ESRRG: variants seen among roughly 807,000 people sequenced by gnomAD.
The protein encoded by ESRRG is estrogen-related receptor gamma.
A neutral mutation model predicts 44.0 loss-of-function variants in ESRRG; 13 were observed. The ratio of observed to expected loss-of-function variants is 0.30; its 90% confidence interval spans 0.19 to 0.47. ESRRG has a LOEUF of 0.47. Ranked by LOEUF, ESRRG falls within the 20% of genes least tolerant of loss-of-function variation. ESRRG has a pLI of 1.00. For missense variants in ESRRG, 395 were observed against 580.6 expected (o/e 0.68, Z 3.29); for synonymous variants, 215 against 214.6 (o/e 1.00, Z -0.02).
chr1:216,862,098 C>T (rs954909596), intron 2 of ESRRG: 1 of 152,174 alleles, frequency 6.6e-6, no homozygotes, highest in Non-Finnish European at 1.5e-5. Context: ...TAAAGTGATA[C>T]TACTTTGGAA....
intron 3 of ESRRG, among the ~76,000 whole-genome samples, chr1:216,572,457 C>T (rs1375875624): frequency 2.0e-5 from 3 of 151,952 alleles, no homozygotes; most frequent in Non-Finnish European, 4.4e-5. Context: ...AATACATGTA[C>T]TTAAATTCAA....
chr1:216,597,984 T>C (rs1278373515), intron 3 of ESRRG, among the ~76,000 whole-genome samples: 2 of 152,208 alleles, frequency 1.3e-5, no homozygotes, highest in African/African-American at 4.8e-5. Context: ...TCAACCCATA[T>C]AGGCTTTTCC....
intron 2 of ESRRG, among the ~76,000 whole-genome samples, chr1:216,747,497 C>A (rs1045123488): frequency 2.0e-5 from 3 of 152,120 alleles, no homozygotes; most frequent in African/African-American, 7.2e-5. Context: ...TACCCCTATG[C>A]CCAGCAACAC....
At chr1:216,744,484 GCACACACACA>G (rs57621941) in intron 2 of ESRRG, among the ~76,000 whole-genome samples, 4 of 149,500 alleles carry the variant, frequency 2.7e-5, no homozygotes, top group Non-Finnish European at 4.5e-5. Flanking sequence ...ACACAGACAT[GCACACACACA>G]CACACACACA....
At chr1:216,739,860 G>A (rs6682879) in intron 2 of ESRRG, among the ~76,000 whole-genome samples, 2,227 of 152,102 alleles carry the variant, frequency 0.015, 52 homozygotes, top group African/African-American at 0.047. Context: ...TCCCACCTCC[G>A]ACCCCTCAGG....
chr1:216,968,320 A>G (rs570780347), intron 1 of ESRRG, among the ~76,000 whole-genome samples: 1 of 152,264 alleles, frequency 6.6e-6, no homozygotes, highest in Non-Finnish European at 1.5e-5. Flanking sequence ...AAAGTCATTT[A>G]CATTTTCTCA....
At chr1:216,604,456 C>T (rs1326871278) in intron 3 of ESRRG, among the ~76,000 whole-genome samples, 1 of 152,096 alleles carries the variant, frequency 6.6e-6, no homozygotes, top group East Asian at 1.9e-4. Context: ...AATAGAGTGG[C>T]ACTGTCAGGA....
At chr1:216,944,872 G>A (rs1017333465) in intron 1 of ESRRG, among the ~76,000 whole-genome samples, 2 of 152,070 alleles carry the variant, frequency 1.3e-5, no homozygotes, top group Admixed American at 6.6e-5. Flanking sequence ...CTACAGGAAC[G>A]GCTGGGCAAG....
intron 1 of ESRRG, among the ~76,000 whole-genome samples, chr1:217,084,786 A>G (rs1481890634): frequency 6.6e-6 from 1 of 151,970 alleles, no homozygotes; most frequent in African/African-American, 2.4e-5. Context: ...AATATCTTTG[A>G]CTCCCCAGTA....
intron 3 of ESRRG, among the ~76,000 whole-genome samples, chr1:216,594,939 G>A (rs2058217313): frequency 6.6e-6 from 1 of 152,160 alleles, no homozygotes. Context: ...TTGAGGCCTG[G>A]AGTATTTCTA....
chr1:217,051,785 C>T (rs983480267), intron 1 of ESRRG, among the ~76,000 whole-genome samples: 3 of 152,106 alleles, frequency 2.0e-5, no homozygotes, highest in African/African-American at 7.2e-5. Flanking sequence ...TTTTTAAAGA[C>T]AGGGTCTCAC....
chr1:217,018,346 G>A (rs531830654), intron 1 of ESRRG, among the ~76,000 whole-genome samples: 19 of 152,166 alleles, frequency 1.2e-4, no homozygotes, highest in African/African-American at 3.6e-4. Context: ...GACTGGTCCC[G>A]TTTCCCTCCA....
At chr1:217,082,914 C>T (rs1184963611) in intron 1 of ESRRG, among the ~76,000 whole-genome samples, 2 of 152,162 alleles carry the variant, frequency 1.3e-5, no homozygotes, top group African/African-American at 4.8e-5. Context: ...TCAAAGAGTC[C>T]CGAAAGTTTC....
intron 1 of ESRRG, among the ~76,000 whole-genome samples, chr1:216,967,434 T>C (rs2070684708): frequency 6.6e-6 from 1 of 152,208 alleles, no homozygotes; most frequent in Non-Finnish European, 1.5e-5. Context: ...CTTTTTTTAC[T>C]GTCTCCATAG....
intron 1 of ESRRG, among the ~76,000 whole-genome samples, chr1:216,692,660 T>C (rs1436439008): frequency 6.6e-6 from 1 of 152,154 alleles, no homozygotes; most frequent in African/African-American, 2.4e-5. Context: ...TCACATTCAC[T>C]CACCATTTAC....
rs137898822 is a variant in ESRRG at position 217,088,128 on chromosome 1, CT to C, written c.-106+1378del. ...GTCTTTTTCTCTAAGACATTTCCGA[CT>C]CTTTTTCTCTCGCCTGCTGCTTCTG... On this transcript the variant is annotated intron_variant, in intron 1 of 7. Coordinates refer to the ESRRG transcript ENST00000359162. Among the ~76,000 whole-genome samples, 1,280 of 151,882 alleles carry C rather than the reference CT, an allele frequency of 8.4e-3. 17 individuals carry two copies. Among genetic ancestry groups the C allele is most frequent in the African/African-American group, 0.029 (1,204 of 41,450 alleles).
At chr1:217,101,871 A>G (rs1355394118) in intron 1 of ESRRG, among the ~76,000 whole-genome samples, 1 of 152,000 alleles carries the variant, frequency 6.6e-6, no homozygotes, top group African/African-American at 2.4e-5. Context: ...CAATGATGCG[A>G]TCTTGGCTCA....
chr1:216,661,497 A>T (rs1045204343), intron 2 of ESRRG, among the ~76,000 whole-genome samples: 1 of 152,246 alleles, frequency 6.6e-6, no homozygotes, highest in African/African-American at 2.4e-5. Flanking sequence ...TAATGCATTC[A>T]CTATCTTTGG....
At chr1:216,642,422 C>G (rs545809357) in intron 3 of ESRRG, among the ~76,000 whole-genome samples, 1 of 152,130 alleles carries the variant, frequency 6.6e-6, no homozygotes, top group South Asian at 2.1e-4. Flanking sequence ...AAATCACCAT[C>G]TAGTAATGCA....
Sources: allele counts gnomAD v4.1 joint callset (sites outside exome capture counted in the v4.1 genomes callset), GRCh38; gene constraint gnomAD v4.1.1; transcripts MANE v1.5; gene names NCBI Gene and HGNC (gene_info 2026-07-23, HGNC 2026-07-21).